Variants in BLTP1 observed in about 807,000 individuals in gnomAD.
BLTP1 encodes fragile site-associated protein.
At chr4:122,190,187 T>TC in the BLTP1 span, 1 of 1,384,854 alleles carries the variant, frequency 7.2e-7, no homozygotes, top group Non-Finnish European at 9.7e-7. Flanking sequence ...CCCTTGACCT[T>TC]CCAGGCTCAA....
At chr4:122,193,957 G>T in the BLTP1 span, among the ~76,000 whole-genome samples, 1 of 151,762 alleles carries the variant, frequency 6.6e-6, no homozygotes, top group Non-Finnish European at 1.5e-5. Context: ...CCGCCTCCCG[G>T]GTTCACGCCA....
the BLTP1 span, among the ~76,000 whole-genome samples, chr4:122,321,696 T>C: frequency 1.3e-5 from 2 of 152,026 alleles, no homozygotes; most frequent in Admixed American, 6.6e-5. Context: ...TAGAGATCTA[T>C]ATCATTTTCC....
the BLTP1 span, among the ~76,000 whole-genome samples, chr4:122,324,111 C>A: frequency 1.3e-5 from 2 of 151,954 alleles, no homozygotes; most frequent in South Asian, 2.1e-4. Context: ...TTCTCAGTTT[C>A]TTTCTCCATT....
chr4:122,293,527 A>G, the BLTP1 span, among the ~76,000 whole-genome samples: 1 of 151,810 alleles, frequency 6.6e-6, no homozygotes, highest in Non-Finnish European at 1.5e-5. Flanking sequence ...GTGGATCAGG[A>G]GATTCCCCTT....
chr4:122,260,884 CT>C, the BLTP1 span, among the ~76,000 whole-genome samples: 1 of 152,030 alleles, frequency 6.6e-6, no homozygotes. Flanking sequence ...ACTATGAAAT[CT>C]TTTAGATGAA....
At chr4:122,196,793 T>C in the BLTP1 span, 1 of 1,457,048 alleles carries the variant, frequency 6.9e-7, no homozygotes, top group African/African-American at 1.4e-5. Flanking sequence ...AAAAATAGGG[T>C]AATTATTATA....
the BLTP1 span, among the ~76,000 whole-genome samples, chr4:122,167,182 C>T: frequency 6.6e-6 from 1 of 152,158 alleles, no homozygotes; most frequent in Admixed American, 6.6e-5. Context: ...AATACATTTA[C>T]AGCTATATTT....
At chr4:122,352,864 T>C in the BLTP1 span, 3 of 1,605,754 alleles carry the variant, frequency 1.9e-6, no homozygotes, top group Admixed American at 3.4e-5. Context: ...AGGGTACTCA[T>C]TAGGCACTTC....
chr4:122,173,019 T>A, the BLTP1 span: 73 of 1,612,318 alleles, frequency 4.5e-5, no homozygotes, highest in Non-Finnish European at 5.6e-5. Context: ...TATTTCTGAT[T>A]TTTTTCCTCC....
At chr4:122,348,661 C>T in the BLTP1 span, 1 of 1,612,064 alleles carries the variant, frequency 6.2e-7, no homozygotes, top group East Asian at 2.2e-5. Context: ...TGTTTGCTAT[C>T]AACTTGAAGC....
At chr4:122,153,121 G>A in the BLTP1 span, 24 of 613,924 alleles carry the variant, frequency 3.9e-5, no homozygotes, top group Admixed American at 4.5e-4. Context: ...AAGGTGAAGA[G>A]AAGTTGATTT....
At chr4:122,277,289 T>A in the BLTP1 span, among the ~76,000 whole-genome samples, 7 of 152,138 alleles carry the variant, frequency 4.6e-5, no homozygotes, top group African/African-American at 1.7e-4. Flanking sequence ...TATAGTGAGC[T>A]ATGATGGTGT....
At chr4:122,225,016 G>GA in the BLTP1 span, 17 of 1,000,508 alleles carry the variant, frequency 1.7e-5, no homozygotes, top group Non-Finnish European at 2.1e-5. Flanking sequence ...TCCATTGTTG[G>GA]AAAAATCTTA....
chr4:122,155,217 G>A, the BLTP1 span, among the ~76,000 whole-genome samples: 1 of 151,908 alleles, frequency 6.6e-6, no homozygotes, highest in Non-Finnish European at 1.5e-5. Context: ...AGACTAGAAA[G>A]TGAGCATTAC....
the BLTP1 span, among the ~76,000 whole-genome samples, chr4:122,181,058 G>A: frequency 6.6e-6 from 1 of 152,270 alleles, no homozygotes; most frequent in East Asian, 1.9e-4. Flanking sequence ...ATCATTGCCT[G>A]TTAAGAGGCA....
the BLTP1 span, among the ~76,000 whole-genome samples, chr4:122,304,407 C>T: frequency 1.3e-5 from 2 of 152,104 alleles, no homozygotes; most frequent in Non-Finnish European, 2.9e-5. Context: ...GATAGGGTTT[C>T]ACCATGTTGG....
chr4:122,212,158 A>C, the BLTP1 span: 1 of 707,218 alleles, frequency 1.4e-6, no homozygotes, highest in South Asian at 6.4e-5. Flanking sequence ...GTGCTGGCTG[A>C]ACTGGGTTTT....
the BLTP1 span, chr4:122,362,260 A>T: frequency 6.3e-7 from 1 of 1,595,824 alleles, no homozygotes; most frequent in East Asian, 2.2e-5. Context: ...AAGTAATTTG[A>T]TCTGTGAACA....
chr4:122,241,709 C>T, the BLTP1 span, among the ~76,000 whole-genome samples: 1 of 152,160 alleles, frequency 6.6e-6, no homozygotes, highest in Non-Finnish European at 1.5e-5. Flanking sequence ...TCTTATCTTG[C>T]CCAAAACCAA....
Sources: allele counts gnomAD v4.1 joint callset (sites outside exome capture counted in the v4.1 genomes callset), GRCh38; gene constraint gnomAD v4.1.1; transcripts MANE v1.5; gene names NCBI Gene and HGNC (gene_info 2026-07-23, HGNC 2026-07-21).